The following LRP6 variants were observed in gnomAD, a reference collection of about 807,000 sequenced individuals.
The protein encoded by LRP6 is LDL receptor related protein 6.
In LRP6, 43 loss-of-function variants were observed where a neutral mutation model predicts 184.1. The observed-to-expected ratio is 0.23, with a 90% CI of 0.18 to 0.30. The LOEUF is 0.30. Ranked by LOEUF, LRP6 falls within the 10% of genes least tolerant of loss-of-function variation. The pLI, the probability that LRP6 is intolerant of heterozygous loss-of-function variation, is 1.00. For missense variants in LRP6, 1,571 were observed against 2,005.3 expected (o/e 0.78, Z 4.14); for synonymous variants, 719 against 684.9 (o/e 1.05, Z -0.78).
At chr12:12,149,574 ACT>A (rs1476645142) in intron 13 of LRP6, among the ~76,000 whole-genome samples, 1 of 152,202 alleles carries the variant, frequency 6.6e-6, no homozygotes, top group Non-Finnish European at 1.5e-5. Flanking sequence ...GACATTTTTT[ACT>A]GTCACGACTG....
intron 3 of LRP6, among the ~76,000 whole-genome samples, chr12:12,199,254 G>C (rs1863851021): frequency 6.6e-6 from 1 of 152,034 alleles, no homozygotes; most frequent in Admixed American, 6.5e-5. Context: ...AAAGTACGTA[G>C]GGTCAAAGGA....
At chr12:12,189,414 T>C (rs1050463435) in intron 3 of LRP6, among the ~76,000 whole-genome samples, 7 of 152,212 alleles carry the variant, frequency 4.6e-5, no homozygotes, top group African/African-American at 1.7e-4. Context: ...AGGGTAACAT[T>C]TACAATGTGA....
intron 3 of LRP6, among the ~76,000 whole-genome samples, chr12:12,192,093 A>G (rs1176697957): frequency 3.3e-5 from 5 of 152,044 alleles, no homozygotes; most frequent in Non-Finnish European, 7.4e-5. Flanking sequence ...AGCAATAAGT[A>G]TAACCCTGTG....
intron 17 of LRP6, among the ~76,000 whole-genome samples, chr12:12,134,364 G>A (rs1400527885): frequency 1.3e-5 from 2 of 152,092 alleles, no homozygotes; most frequent in Non-Finnish European, 2.9e-5. Context: ...GTAGATAATA[G>A]TATGATGTAG....
At chr12:12,257,823 C>G (rs925578043) in intron 1 of LRP6, among the ~76,000 whole-genome samples, 1 of 107,736 alleles carries the variant, frequency 9.3e-6, no homozygotes, top group South Asian at 3.2e-4. Flanking sequence ...AAAAATGAGC[C>G]GGGCGTGGTA....
intron 9 of LRP6, among the ~76,000 whole-genome samples, chr12:12,163,179 T>A (rs1329445000): frequency 6.6e-6 from 1 of 152,088 alleles, no homozygotes; most frequent in Non-Finnish European, 1.5e-5. Flanking sequence ...TTTTGTCATG[T>A]TGGCCAGGCT....
rs975221599 is a variant in LRP6 at position 12,203,719 on chromosome 12, G to T, written c.450-319C>A. On this transcript the variant is annotated intron_variant, in intron 2 of 22. Transcript: ENST00000261349. ...AGAGGCGGAGGTTGCAGTAAGCTGA[G>T]ATTGTGCTACTGCACTCCAGCCTGG... is the stretch of plus-strand genomic sequence containing the variant. Among the ~76,000 whole-genome samples, 6 of 152,212 alleles carry T rather than the reference G, an allele frequency of 3.9e-5. No homozygotes were observed. In the South Asian group the frequency reaches 1.2e-3, roughly 32 times the overall value.
At chr12:12,196,383 TG>T (rs1306205214) in intron 3 of LRP6, among the ~76,000 whole-genome samples, 1 of 152,136 alleles carries the variant, frequency 6.6e-6, no homozygotes, top group Admixed American at 6.5e-5. Flanking sequence ...ATCAGTGTTT[TG>T]CAGCTTTATC....
intron 2 of LRP6, among the ~76,000 whole-genome samples, chr12:12,234,785 G>A (rs1864889605): frequency 6.6e-6 from 1 of 151,362 alleles, no homozygotes; most frequent in Non-Finnish European, 1.5e-5. Context: ...GAGCCAAGAT[G>A]GTGCCACTGC....
At chr12:12,228,601 C>A (rs574372724) in intron 2 of LRP6, among the ~76,000 whole-genome samples, 5 of 152,284 alleles carry the variant, frequency 3.3e-5, no homozygotes, top group South Asian at 4.1e-4. Flanking sequence ...AGCAGGCAAG[C>A]GAGCATTACT....
intron 12 of LRP6, among the ~76,000 whole-genome samples, chr12:12,154,176 A>G (rs1162120023): frequency 2.0e-5 from 3 of 152,180 alleles, no homozygotes; most frequent in African/African-American, 7.2e-5. Context: ...CAGCAACACT[A>G]GCTTCCTAGG....
intron 2 of LRP6, among the ~76,000 whole-genome samples, chr12:12,221,240 G>A (rs758216835): frequency 6.6e-6 from 1 of 152,152 alleles, no homozygotes; most frequent in Non-Finnish European, 1.5e-5. Context: ...TTAAACTTTT[G>A]TATTTATATC....
intron 10 of LRP6, among the ~76,000 whole-genome samples, chr12:12,160,916 C>T (rs1933022137): frequency 6.6e-6 from 1 of 152,226 alleles, no homozygotes; most frequent in South Asian, 2.1e-4. Flanking sequence ...TATATTCACT[C>T]ATCAGCCTGT....
intron 15 of LRP6, among the ~76,000 whole-genome samples, chr12:12,140,829 C>G (rs956593801): frequency 1.3e-5 from 2 of 152,088 alleles, no homozygotes; most frequent in East Asian, 1.9e-4. Context: ...GCCTTGAACT[C>G]CTGACCTCAT....
At chr12:12,177,363 T>C (rs75341096) in intron 7 of LRP6, among the ~76,000 whole-genome samples, 165 of 152,192 alleles carry the variant, frequency 1.1e-3, no homozygotes, top group African/African-American at 3.8e-3. Flanking sequence ...GGCTAGCAAA[T>C]ACACTTCTTG....
chr12:12,259,797 G>C (rs74061157), intron 1 of LRP6, among the ~76,000 whole-genome samples: 4,590 of 152,252 alleles, frequency 0.03, 245 homozygotes, highest in African/African-American at 0.099. Context: ...ATAAAACAGT[G>C]TTTTATTCAC....
chr12:12,249,314 C>T lies in LRP6; in HGVS notation c.56-4659G>A, dbSNP rs571851797. On this transcript the variant is annotated intron_variant, in intron 1 of 22. Coordinates refer to ENST00000261349, the MANE Select transcript of LRP6 (RefSeq NM_002336.3). ...GACCCAAGAGCCATATCAGTGCTAG[C>T]AAAATGGCAGAATTCACAGCACCAA... 3.5e-6 allele frequency: 4 copies of T among 1,139,984 alleles called. No homozygotes were observed. In the East Asian group the frequency reaches 9.4e-5, roughly 27 times the overall value. 70.6% of individuals were successfully genotyped at this position (1,139,984 alleles called of 1,614,324 possible).
chr12:12,239,769 A>T (rs1190317163), intron 2 of LRP6, among the ~76,000 whole-genome samples: 1 of 151,954 alleles, frequency 6.6e-6, no homozygotes, highest in Non-Finnish European at 1.5e-5. Context: ...GCTCAATGTT[A>T]CAAGCAAAGA....
chr12:12,202,908 C>T (rs1164861545), intron 3 of LRP6, among the ~76,000 whole-genome samples: 4 of 152,182 alleles, frequency 2.6e-5, no homozygotes, highest in Admixed American at 6.5e-5. Context: ...ATTCTCTACA[C>T]ATTTCCAAAC....
Sources: allele counts gnomAD v4.1 joint callset (sites outside exome capture counted in the v4.1 genomes callset), GRCh38; gene constraint gnomAD v4.1.1; transcripts MANE v1.5; gene names NCBI Gene and HGNC (gene_info 2026-07-23, HGNC 2026-07-21).